Variants in ADCY9 observed in about 807,000 individuals in gnomAD.
ADCY9 encodes adenylate cyclase 9.
In ADCY9, 50 loss-of-function variants were observed where a neutral mutation model predicts 101.5. That is an observed-to-expected ratio of 0.49 (90% CI 0.39 to 0.62). The LOEUF is 0.62. Among genes scored for constraint, ADCY9 ranks in the 20% least tolerant of loss-of-function variants. The pLI, the probability that ADCY9 is intolerant of heterozygous loss-of-function variation, is 0.00. For synonymous variants in ADCY9, 905 were observed against 769.3 expected, an observed-to-expected ratio of 1.18 and a Z score of -2.92; for missense variants, 1,662 against 1,800.4, an observed-to-expected ratio of 0.92 and a Z score of 1.39.
intron 2 of ADCY9, among the ~76,000 whole-genome samples, chr16:4,095,686 G>C (rs1428332104): frequency 1.3e-5 from 2 of 151,998 alleles, no homozygotes; most frequent in African/African-American, 4.8e-5. Context: ...AAATCAAACA[G>C]GATTCCCAGA....
intron 2 of ADCY9, among the ~76,000 whole-genome samples, chr16:4,026,083 T>C (rs1346588933): frequency 6.6e-6 from 1 of 152,178 alleles, no homozygotes; most frequent in Non-Finnish European, 1.5e-5. Context: ...AATGGATGGA[T>C]GAGCAGATAC....
intron 2 of ADCY9, among the ~76,000 whole-genome samples, chr16:4,023,825 G>T (rs1021020170): frequency 6.6e-6 from 1 of 151,844 alleles, no homozygotes; most frequent in Non-Finnish European, 1.5e-5. Context: ...CACGAGCATC[G>T]CTTGAACCCA....
intron 2 of ADCY9, among the ~76,000 whole-genome samples, chr16:4,077,752 C>T (rs1469473950): frequency 6.6e-6 from 1 of 152,126 alleles, no homozygotes; most frequent in Non-Finnish European, 1.5e-5. Context: ...GTAATCCCAA[C>T]ACTTTGGAAG....
intron 3 of ADCY9, 48 bp from the exon 4 acceptor site, chr16:3,993,558 G>A: frequency 6.2e-7 from 1 of 1,600,970 alleles, no homozygotes; most frequent in East Asian, 2.2e-5. Flanking sequence ...AACCGCGACT[G>A]CCACCCTGAA....
At chr16:3,958,862 G>C (rs1399559958), downstream of ADCY9, among the ~76,000 whole-genome samples, 1 of 151,748 alleles carries the variant, frequency 6.6e-6, no homozygotes, top group East Asian at 2.0e-4. Flanking sequence ...TTTTAGTAGA[G>C]ACAGGGTTTC....
intron 2 of ADCY9, among the ~76,000 whole-genome samples, chr16:4,050,900 G>A (rs1392659895): frequency 1.3e-5 from 2 of 151,980 alleles, no homozygotes; most frequent in East Asian, 1.9e-4. Context: ...GGAAAGTTCC[G>A]GGTGAGCCTA....
intron 2 of ADCY9, among the ~76,000 whole-genome samples, chr16:4,068,735 T>A (rs907855348): frequency 9.3e-5 from 14 of 150,760 alleles, no homozygotes; most frequent in African/African-American, 3.4e-4. Context: ...GAGAATGGTG[T>A]GAACCCAGGA....
intron 2 of ADCY9, among the ~76,000 whole-genome samples, chr16:4,057,084 A>G (rs571103455): frequency 6.0e-5 from 8 of 132,866 alleles, no homozygotes; most frequent in Non-Finnish European, 1.1e-4. Flanking sequence ...TTTCATGTCT[A>G]TGAAGGGTTT....
At position 3,976,552 on chromosome 16, in the gene ADCY9, G is replaced by A. The variant is rs866373382; in HGVS notation, c.2828+930C>T. Among the ~76,000 whole-genome samples the A allele has an allele frequency of 4.6e-4, 70 of 152,280 alleles. 1 individual carries two copies. The highest frequency in any genetic ancestry group is 6.3e-4 in the African/African-American group (26 of 41,538). ...CAGTGATACGGTTCTGAAGGCCAGC[G>A]TCCTCCTCAGTATGCAGAGGATTTC... On this transcript the variant is annotated intron_variant, in intron 9 of 10. Transcript: ENST00000294016.
chr16:3,957,789 C>A (rs2055915482), downstream of ADCY9, among the ~76,000 whole-genome samples: 1 of 152,108 alleles, frequency 6.6e-6, no homozygotes, highest in Admixed American at 6.5e-5. Context: ...CTGAGCAGAG[C>A]GGGGTGTCAG....
chr16:3,962,494 T>C (rs1231434885), downstream of ADCY9, among the ~76,000 whole-genome samples: 1 of 151,342 alleles, frequency 6.6e-6, no homozygotes, highest in African/African-American at 2.4e-5. Flanking sequence ...ACAAACAGGG[T>C]TTTCTACTTG....
intron 2 of ADCY9, among the ~76,000 whole-genome samples, chr16:4,015,400 C>G (rs1363182827): frequency 6.6e-6 from 1 of 152,088 alleles, no homozygotes; most frequent in Non-Finnish European, 1.5e-5. Flanking sequence ...CTAGCACGAG[C>G]CTTCACAAAG....
At chr16:3,953,438 T>A (rs971280207) in exon 6 of ADCY9, 2 of 152,108 alleles carry the variant, frequency 1.3e-5, no homozygotes, top group African/African-American at 4.8e-5. Context: ...AAATTTACAA[T>A]TAGGCTCCTG....
At chr16:4,105,879 A>C (rs1455384099) in intron 2 of ADCY9, among the ~76,000 whole-genome samples, 2 of 151,972 alleles carry the variant, frequency 1.3e-5, no homozygotes, top group South Asian at 2.1e-4. Flanking sequence ...CAGAAACAAC[A>C]ATTTCTACTG....
chr16:4,103,506 G>A (rs1286426741), intron 2 of ADCY9, among the ~76,000 whole-genome samples: 2 of 152,186 alleles, frequency 1.3e-5, no homozygotes, highest in Admixed American at 6.5e-5. Context: ...CCACACTTAC[G>A]AAAGGAAAGG....
intron 2 of ADCY9, among the ~76,000 whole-genome samples, chr16:4,008,759 C>T (rs1370951881): frequency 8.8e-4 from 134 of 152,252 alleles, no homozygotes; most frequent in Non-Finnish European, 5.1e-4. Context: ...GACAGGGTTT[C>T]TCCATGTCGG....
Position 4,114,354 on chromosome 16 carries a change from G to C in ADCY9, c.1089C>G (p.Thr363=), listed in dbSNP as rs767516469. The C allele has an allele frequency of 3.1e-6, 5 of 1,614,014 alleles. No homozygotes were observed. The East Asian group carries it at 6.7e-5, about 22-fold the overall frequency. Residue 363 remains threonine, a synonymous_variant, in exon 2 of 11, where the codon ACC becomes ACG. Coordinates refer to ENST00000294016, the MANE Select transcript of ADCY9 (RefSeq NM_001116.4). This position sits in a 1 kb window ranked among gnomAD's most constrained non-coding sequence, Gnocchi z 4.3. The part of the protein sequence containing the change: ...ESENSVKRHA[T]SSPKNRKKKS... Reference sequence around the variant, plus strand: ...TTTTCTTCCTGTTCTTGGGGCTCGAGGTGGCATGCCTCTTGACAGAATTCT... The same window carrying C: ...TTTTCTTCCTGTTCTTGGGGCTCGACGTGGCATGCCTCTTGACAGAATTCT...
intron 2 of ADCY9, among the ~76,000 whole-genome samples, chr16:4,057,260 C>A (rs2056746220): frequency 6.6e-6 from 1 of 152,124 alleles, no homozygotes; most frequent in South Asian, 2.1e-4. Flanking sequence ...CCTGCCTCAG[C>A]TTCCTGAGTA....
intron 2 of ADCY9, among the ~76,000 whole-genome samples, chr16:4,071,260 G>A (rs999467367): frequency 3.4e-5 from 5 of 144,994 alleles, no homozygotes; most frequent in Non-Finnish European, 6.0e-5. Context: ...AACCCGGGAA[G>A]CGGAGGTTGC....
Sources: gnomAD v4.1 joint callset for allele counts (sites outside exome capture counted in the v4.1 genomes callset) on GRCh38, gnomAD v4.1.1 for gene constraint, Gnocchi (gnomAD v3.1) non-coding constraint, MANE v1.5 for transcripts, NCBI Gene and HGNC (gene_info 2026-07-23, HGNC 2026-07-21) for gene names.